IQGAP2: variants seen among roughly 807,000 people sequenced by gnomAD.
IQGAP2 encodes IQ motif containing GTPase activating protein 2, also known as ras GTPase-activating-like protein IQGAP2.
In IQGAP2, 173 loss-of-function variants were observed where a neutral mutation model predicts 201.3. The observed-to-expected ratio is 0.86, with a 90% CI of 0.76 to 0.98. The LOEUF (loss-of-function observed/expected upper bound fraction) is 0.98. Ranked by LOEUF, IQGAP2 falls within the 50% of genes least tolerant of loss-of-function variation. The pLI, the probability that IQGAP2 is intolerant of heterozygous loss-of-function variation, is 0.00. For missense variants in IQGAP2, 1,687 were observed against 1,864.8 expected (o/e 0.90, Z 1.76); for synonymous variants, 675 against 673.9 (o/e 1.00, Z -0.03).
At chr5:76,471,661 C>T (rs912088410) in intron 2 of IQGAP2, among the ~76,000 whole-genome samples, 2 of 151,778 alleles carry the variant, frequency 1.3e-5, no homozygotes, top group Admixed American at 6.6e-5. Context: ...AATGTTTAAG[C>T]AAGTGAAAGC....
intron 16 of IQGAP2, among the ~76,000 whole-genome samples, chr5:76,640,185 A>G (rs1362304683): frequency 6.6e-6 from 1 of 152,174 alleles, no homozygotes; most frequent in Admixed American, 6.6e-5. Flanking sequence ...AAAGATATGT[A>G]TGCATCTTTG....
At chr5:76,695,045 G>C (rs565992824) in intron 31 of IQGAP2, among the ~76,000 whole-genome samples, 13 of 152,302 alleles carry the variant, frequency 8.5e-5, no homozygotes, top group African/African-American at 2.6e-4. Flanking sequence ...CATGGCTGAT[G>C]TGTGAGAGTT....
chr5:76,525,431 A>G (rs749256763), intron 2 of IQGAP2, among the ~76,000 whole-genome samples: 1 of 152,166 alleles, frequency 6.6e-6, no homozygotes, highest in African/African-American at 2.4e-5. Context: ...GAGACAGTGC[A>G]TTAGTTGATT....
intron 2 of IQGAP2, among the ~76,000 whole-genome samples, chr5:76,514,255 C>A (rs140987099): frequency 2.0e-5 from 3 of 152,086 alleles, no homozygotes; most frequent in Non-Finnish European, 4.4e-5. Flanking sequence ...AACTCCTGAC[C>A]TCAAGTGATC....
At chr5:76,438,198 T>C (rs1188374950) in intron 1 of IQGAP2, among the ~76,000 whole-genome samples, 1 of 152,092 alleles carries the variant, frequency 6.6e-6, no homozygotes, top group Non-Finnish European at 1.5e-5. Context: ...CGAGTTCAGC[T>C]GTAATCCATC....
At chr5:76,660,239 G>C (rs1343899667) in intron 21 of IQGAP2, 1 of 152,174 alleles carries the variant, frequency 6.6e-6, no homozygotes, top group Non-Finnish European at 1.5e-5. Context: ...GGCAATTGTG[G>C]AGGAGAAAAT....
chr5:76,705,116 A>G (rs533571904), intron 35 of IQGAP2, among the ~76,000 whole-genome samples: 1 of 152,142 alleles, frequency 6.6e-6, no homozygotes, highest in African/African-American at 2.4e-5. Flanking sequence ...CCTCTCCTAG[A>G]TGAAGAACTG....
intron 14 of IQGAP2, chr5:76,628,637 G>A (rs1323278712): frequency 1.1e-5 from 5 of 446,050 alleles, no homozygotes; most frequent in South Asian, 4.9e-5. Flanking sequence ...CTATTCTGTT[G>A]TATCAGGTCA....
chr5:76,437,530 C>T (rs899586035), intron 1 of IQGAP2, among the ~76,000 whole-genome samples: 3 of 152,076 alleles, frequency 2.0e-5, no homozygotes, highest in South Asian at 2.1e-4. Context: ...ATAGCTCCCC[C>T]GCTCCCCTCC....
rs1744640490 is a variant in IQGAP2 at position 76,674,573 on chromosome 5, A to C, written c.3391A>C (p.Asn1131His). The change falls in exon 27 of 36, where the codon AAT becomes CAT. Residue 1131 changes from asparagine to histidine, a missense_variant. Coordinates refer to ENST00000274364, the MANE Select transcript of IQGAP2 (RefSeq NM_006633.5). Reference protein sequence around the residue: ...IIDMTAGGQINSDQRRNLGSV... With the variant: ...IIDMTAGGQIHSDQRRNLGSV... ...CGACATGACAGCTGGAGGTCAGATAAATTCTGACCAAAGGAGAAACTTAGG... is the reference window on the plus strand; with the variant it reads ...CGACATGACAGCTGGAGGTCAGATACATTCTGACCAAAGGAGAAACTTAGG... The C allele has an allele frequency of 5.0e-6, 8 of 1,613,952 alleles. No individual in the cohort carries two copies. The highest frequency in any genetic ancestry group is 5.1e-6 in the Non-Finnish European group (6 of 1,179,820).
At chr5:76,686,670 C>T (rs1745790989) in intron 30 of IQGAP2, among the ~76,000 whole-genome samples, 1 of 152,036 alleles carries the variant, frequency 6.6e-6, no homozygotes, top group Admixed American at 6.6e-5. Context: ...CCACCATGCC[C>T]AGCTAATTTT....
chr5:76,498,600 G>T (rs1034726275), intron 2 of IQGAP2, among the ~76,000 whole-genome samples: 1 of 152,186 alleles, frequency 6.6e-6, no homozygotes, highest in Non-Finnish European at 1.5e-5. Context: ...TTGTGAAATA[G>T]GGAGACTCCC....
chr5:76,409,241 C>CTTTTTT (rs35574851), intron 1 of IQGAP2, among the ~76,000 whole-genome samples: 30 of 79,368 alleles, frequency 3.8e-4, no homozygotes, highest in African/African-American at 5.2e-4. Flanking sequence ...AATACATGGG[C>CTTTTTT]TTTTTTTTTT....
At chr5:76,702,199 G>T (rs1747464968) in intron 34 of IQGAP2, among the ~76,000 whole-genome samples, 1 of 152,302 alleles carries the variant, frequency 6.6e-6, no homozygotes, top group African/African-American at 2.4e-5. Flanking sequence ...TTCCAATTAT[G>T]TTTTATGCTC....
chr5:76,631,166 T>G (rs916782924), intron 14 of IQGAP2, among the ~76,000 whole-genome samples: 1 of 152,198 alleles, frequency 6.6e-6, no homozygotes, highest in Non-Finnish European at 1.5e-5. Flanking sequence ...GTGAAAACTC[T>G]AGTCCTATCG....
chr5:76,675,855 TCTC>T (rs137883711), intron 27 of IQGAP2, among the ~76,000 whole-genome samples: 15,197 of 152,096 alleles, frequency 0.1, 770 homozygotes, highest in Middle Eastern at 0.2. Context: ...AATTTTTCAT[TCTC>T]CTCACTGACT....
At chr5:76,454,313 T>G (rs1027871459) in intron 1 of IQGAP2, among the ~76,000 whole-genome samples, 1 of 151,954 alleles carries the variant, frequency 6.6e-6, no homozygotes, top group African/African-American at 2.4e-5. Flanking sequence ...TATTATACTT[T>G]AAGTTTTAGG....
At chr5:76,562,318 G>A (rs1744432564) in intron 2 of IQGAP2, 78 bp from the exon 3 acceptor site, 1 of 1,055,014 alleles carries the variant, frequency 9.5e-7, no homozygotes, top group Non-Finnish European at 1.4e-6. Flanking sequence ...AACACACACA[G>A]CGAAATGCTG....
Position 76,551,559 on chromosome 5 carries a change from G to A in IQGAP2, c.147-10837G>A, listed in dbSNP as rs1743525426. On this transcript the variant is annotated intron_variant, in intron 2 of 35. Transcript: ENST00000274364. ...GATCACGTCACTGCACTCCAGCCTGGGCAACATTGAGCACTGAGTGAGCGA... is the reference window on the plus strand; with the variant it reads ...GATCACGTCACTGCACTCCAGCCTGAGCAACATTGAGCACTGAGTGAGCGA... 2.0e-5 allele frequency among the ~76,000 whole-genome samples: 3 copies of A among 152,216 alleles called. No individual in the cohort carries two copies. The South Asian group carries it at 6.2e-4, about 32-fold the overall frequency.
Sources: allele counts gnomAD v4.1 joint callset (sites outside exome capture counted in the v4.1 genomes callset), GRCh38; gene constraint gnomAD v4.1.1; transcripts MANE v1.5; gene names NCBI Gene and HGNC (gene_info 2026-07-23, HGNC 2026-07-21).